CTSB: variants seen among roughly 807,000 people sequenced by gnomAD.
The protein encoded by CTSB is APP secretase.
CTSB carries 57 observed loss-of-function variants against 44.3 expected under a neutral mutation model. That is an observed-to-expected ratio of 1.29 (90% CI 1.04 to 1.60). The LOEUF (loss-of-function observed/expected upper bound fraction) is 1.60, where lower values mean the gene tolerates loss of function less well. CTSB is among the 40% of genes most tolerant of loss of function. CTSB has a pLI of 0.00. For missense variants in CTSB, 768 were observed against 443.0 expected (o/e 1.73, Z -6.59); for synonymous variants, 320 against 168.0 (o/e 1.91, Z -7.00).
At chr8:11,867,090 C>T (rs1382341424) in intron 1 of CTSB, among the ~76,000 whole-genome samples, 1 of 152,106 alleles carries the variant, frequency 6.6e-6, no homozygotes, top group East Asian at 1.9e-4. Flanking sequence ...TGCCAGCCTG[C>T]TGGCTTTCTC....
At chr8:11,848,269 T>G (rs774589881) in intron 5 of CTSB, 117 bp from the exon 6 acceptor site, 1 of 870,742 alleles carries the variant, frequency 1.1e-6, no homozygotes, top group East Asian at 2.5e-5. Context: ...CTGCAGCAAG[T>G]GGTGCGAGCA....
At chr8:11,846,968 C>T in intron 8 of CTSB, 84 bp downstream of exon 8, 2 of 762,278 alleles carry the variant, frequency 2.6e-6, no homozygotes, top group Non-Finnish European at 4.7e-6. Context: ...CCAATCCAGC[C>T]CTATTGGTCA....
Position 11,853,339 on chromosome 8 carries a change from G to A in CTSB, c.116C>T (p.Thr39Ile), listed in dbSNP as rs1237431194. 1.9e-6 allele frequency: 3 copies of A among 1,613,414 alleles called. No individual in the cohort carries two copies. Among genetic ancestry groups the A allele is most frequent in the Admixed American group, 3.3e-5 (2 of 59,912 alleles). ...AGCCCCACAGCCTACCTGCCACGTG[G>A]TATTCCGTTTGTTGACATAGTTGAC... ...ELVNYVNKRN[T>I]TWQAGHNFYN... The change falls in exon 2 of 10, where the codon ACC becomes ATC. Residue 39 changes from threonine to isoleucine, a missense_variant. Transcript: ENST00000353047.
chr8:11,853,635 G>C, intron 1 of CTSB, 156 bp from the exon 2 acceptor site: 1 of 701,696 alleles, frequency 1.4e-6, no homozygotes, highest in Non-Finnish European at 2.2e-6. Flanking sequence ...TGGGATCCCC[G>C]CCCCCCTGCC....
chr8:11,850,442 GAAAGAAA>G (rs1233272922), intron 4 of CTSB, among the ~76,000 whole-genome samples: 7 of 52,072 alleles, frequency 1.3e-4, no homozygotes, highest in African/African-American at 5.5e-4. Flanking sequence ...AAAAAAAAAA[GAAAGAAA>G]AAGAAAACAA....
rs1009438305 is a variant in CTSB, at chr8:11,844,536, T to C, written c.*589A>G. The C allele has an allele frequency of 2.0e-5, 3 of 152,376 alleles. No homozygotes were observed. The highest frequency in any genetic ancestry group is 7.2e-5 in the African/African-American group (3 of 41,430). The allele number at this position is 152,376 out of a possible 1,614,324, so 9.4% of individuals were successfully genotyped here. A position where few individuals can be genotyped will look rare whatever the true frequency, so the allele number is the denominator to read the frequency against. Reference sequence around the variant, plus strand: ...TAAAACTAGCACAGGTCTCCCGCTGTTCCACTGGCTCACCCACATGATTAG... The same window carrying C: ...TAAAACTAGCACAGGTCTCCCGCTGCTCCACTGGCTCACCCACATGATTAG... On this transcript the variant is annotated 3_prime_UTR_variant, in exon 10 of 10. Coordinates refer to ENST00000353047, the MANE Select transcript of CTSB (RefSeq NM_001908.5).
chr8:11,850,801 C>A, intron 4 of CTSB, 65 bp downstream of exon 4: 1 of 1,205,690 alleles, frequency 8.3e-7, no homozygotes, highest in South Asian at 1.3e-5. Context: ...CCGAATCCCC[C>A]AAGACTCTCC....
chr8:11,861,280 G>A (rs950329286), intron 1 of CTSB: 2 of 152,434 alleles, frequency 1.3e-5, no homozygotes, highest in Admixed American at 6.5e-5. Context: ...CAGGTGTGCA[G>A]AGGCAGCAGT....
rs1163894768 is a variant in CTSB at position 11,843,933 on chromosome 8, G to A, written c.*1192C>T. ...TGTCATCCCAGCTACTCGGAAGGCT[G>A]AAGCAGGAGAATCGCTTGAATCTAG... On this transcript the variant is annotated 3_prime_UTR_variant, in exon 10 of 10. Transcript: ENST00000353047. 5 of 152,366 alleles carry A rather than the reference G, an allele frequency of 3.3e-5. No individual in the cohort carries two copies. Among genetic ancestry groups the A allele is most frequent in the Middle Eastern group, 6.8e-3 (2 of 294 alleles). 9.4% of individuals were successfully genotyped at this position (152,366 alleles called of 1,614,324 possible).
At chr8:11,863,655 A>G (rs886356906) in intron 1 of CTSB, among the ~76,000 whole-genome samples, 4 of 152,220 alleles carry the variant, frequency 2.6e-5, no homozygotes, top group Admixed American at 2.6e-4. Context: ...ATAATGGAAC[A>G]CTAGGCATAA....
chr8:11,844,976 C>G lies in CTSB; in HGVS notation c.*149G>C, dbSNP rs144168560. On this transcript the variant is annotated 3_prime_UTR_variant, in exon 10 of 10. Transcript: ENST00000353047. ...ACCACAGGCTGGGATGTAGCCAGGA[C>G]TTGGTCTCCTTGGAAGACAGGTCTG... 2.8e-4 allele frequency: 174 copies of G among 629,406 alleles called. 1 individual carries two copies. The African/African-American group carries it at 3.0e-3, about 11-fold the overall frequency. The allele number at this position is 629,406 out of a possible 1,614,324, so 39.0% of individuals were successfully genotyped here. A position where few individuals can be genotyped will look rare whatever the true frequency, so the allele number is the denominator to read the frequency against.
In CTSB at chr8:11,852,462, A is replaced by G. The variant is rs945405218; in HGVS notation, c.212+148T>C. 2.5e-5 allele frequency: 12 copies of G among 479,222 alleles called. 1 individual carries two copies. The highest frequency in any genetic ancestry group is 2.3e-4 in the Admixed American group (6 of 25,656). The allele number at this position is 479,222 out of a possible 1,614,324, so 29.7% of individuals were successfully genotyped here. A position where few individuals can be genotyped will look rare whatever the true frequency, so the allele number is the denominator to read the frequency against. ...AGAAAGTAATATAAAAATGAAAAGA[A>G]ACAAGTACTGTACCTCAAGCGGTGT... On this transcript the variant is annotated intron_variant, in intron 3 of 9. Coordinates refer to ENST00000353047, the MANE Select transcript of CTSB (RefSeq NM_001908.5).
chr8:11,860,095 G>T (rs761319772), intron 1 of CTSB, among the ~76,000 whole-genome samples: 4 of 152,054 alleles, frequency 2.6e-5, no homozygotes, highest in Non-Finnish European at 5.9e-5. Context: ...GAAAGAAAAA[G>T]CTTTCTTACA....
intron 1 of CTSB, among the ~76,000 whole-genome samples, chr8:11,859,767 C>CA (rs36047077): frequency 0.15 from 5,863 of 38,768 alleles, 973 homozygotes; most frequent in Admixed American, 0.23. Context: ...GACTCTGTCT[C>CA]AAAAAAAAAA....
At chr8:11,860,803 C>T (rs1816297724) in intron 1 of CTSB, among the ~76,000 whole-genome samples, 1 of 152,192 alleles carries the variant, frequency 6.6e-6, no homozygotes, top group Admixed American at 6.5e-5. Context: ...GTTTCTTTCT[C>T]TTCTATAAAA....
intron 8 of CTSB, 29 bp downstream of exon 8, chr8:11,847,023 C>A: frequency 1.7e-6 from 2 of 1,199,624 alleles, no homozygotes; most frequent in South Asian, 2.4e-5. Context: ...GACCCCCACC[C>A]TCTATTGCCA....
In CTSB at chr8:11,852,723, G is replaced by A. The variant is rs768493172; in HGVS notation, c.127-28C>T. ...GGAAGAGAGTCACCCACTGACTGAA[G>A]GGTCTCCCGGGATGGCGGTGGATGG... On this transcript the variant is annotated intron_variant, in intron 2 of 9. Coordinates refer to ENST00000353047, the MANE Select transcript of CTSB (RefSeq NM_001908.5). 12 of 1,604,778 alleles carry A rather than the reference G, an allele frequency of 7.5e-6. No homozygotes were observed. In the South Asian group the frequency reaches 7.7e-5, roughly 10 times the overall value.
intron 3 of CTSB, 56 bp from the exon 4 acceptor site, chr8:11,851,036 C>A (rs1814503465): frequency 1.5e-6 from 2 of 1,345,634 alleles, no homozygotes; most frequent in Non-Finnish European, 2.1e-6. Flanking sequence ...CCTCCCCAAT[C>A]CCTGCAAAGG....
At chr8:11,845,857 A>C in intron 8 of CTSB, 68 bp from the exon 9 acceptor site, 1 of 1,491,114 alleles carries the variant, frequency 6.7e-7, no homozygotes. Context: ...CACCCCCCAC[A>C]CTCAGCTGGT....
Sources: allele counts gnomAD v4.1 joint callset (sites outside exome capture counted in the v4.1 genomes callset), GRCh38; gene constraint gnomAD v4.1.1; transcripts MANE v1.5; gene names NCBI Gene and HGNC (gene_info 2026-07-23, HGNC 2026-07-21).